CSTPP1: variants seen among roughly 807,000 people sequenced by gnomAD.
CSTPP1 encodes centriolar satellite-associated tubulin polyglutamylase complex regulator 1, also known as UPF0705 protein C11orf49.
At chr11:47,089,939 T>G in the CSTPP1 span, among the ~76,000 whole-genome samples, 2 of 152,230 alleles carry the variant, frequency 1.3e-5, no homozygotes, top group Non-Finnish European at 2.9e-5. Context: ...AGATAGGTAG[T>G]AATTTACTGT....
chr11:47,126,237 G>A, the CSTPP1 span, among the ~76,000 whole-genome samples: 1 of 152,108 alleles, frequency 6.6e-6, no homozygotes, highest in Non-Finnish European at 1.5e-5. Flanking sequence ...CAAGTTACAA[G>A]CCAGACAGAC....
chr11:47,052,657 T>C, the CSTPP1 span: 3 of 1,195,496 alleles, frequency 2.5e-6, no homozygotes, highest in African/African-American at 1.6e-5. Context: ...CCTATAAATA[T>C]TGTTTGAATG....
the CSTPP1 span, among the ~76,000 whole-genome samples, chr11:47,122,083 A>ATATAT: frequency 1.1e-5 from 1 of 88,860 alleles, no homozygotes; most frequent in African/African-American, 3.8e-5. Flanking sequence ...AAAAAAAAAA[A>ATATAT]AAAAAAAAAT....
At chr11:46,941,243 C>G in the CSTPP1 span, among the ~76,000 whole-genome samples, 1 of 152,228 alleles carries the variant, frequency 6.6e-6, no homozygotes, top group African/African-American at 2.4e-5. Context: ...CCGTATCACT[C>G]TGCTGAAATG....
the CSTPP1 span, chr11:46,948,151 C>T: frequency 4.4e-6 from 2 of 456,240 alleles, no homozygotes; most frequent in South Asian, 1.5e-5. Context: ...CCCCAAAGTC[C>T]TGCAAATTGA....
the CSTPP1 span, chr11:46,936,798 G>C: frequency 4.3e-6 from 7 of 1,610,576 alleles, no homozygotes; most frequent in Admixed American, 3.4e-5. Flanking sequence ...AGCCACCCCG[G>C]TCAAAGGATG....
At chr11:47,108,024 C>T in the CSTPP1 span, among the ~76,000 whole-genome samples, 4 of 152,274 alleles carry the variant, frequency 2.6e-5, no homozygotes, top group Admixed American at 1.3e-4. Context: ...CAAAACCATA[C>T]CCCTCCTGGG....
At chr11:47,004,134 TTTGTTG>T in the CSTPP1 span, among the ~76,000 whole-genome samples, 2,118 of 151,982 alleles carry the variant, frequency 0.014, 46 homozygotes, top group African/African-American at 0.049. Flanking sequence ...TCTTTTGTTT[TTTGTTG>T]TTGTTGTTGT....
At chr11:47,036,710 C>T in the CSTPP1 span, among the ~76,000 whole-genome samples, 5 of 127,432 alleles carry the variant, frequency 3.9e-5, 2 homozygotes, top group South Asian at 2.5e-4. Flanking sequence ...GCAGTCTCTT[C>T]TCTGTCACCC....
chr11:47,006,610 G>A, the CSTPP1 span, among the ~76,000 whole-genome samples: 13 of 150,458 alleles, frequency 8.6e-5, no homozygotes, highest in Admixed American at 8.6e-4. Flanking sequence ...TTTGAGGCAG[G>A]ATCTCTGTCT....
chr11:47,114,586 T>C, the CSTPP1 span, among the ~76,000 whole-genome samples: 3 of 152,190 alleles, frequency 2.0e-5, no homozygotes, highest in Admixed American at 2.0e-4. Context: ...TTATTCTCTT[T>C]GTAGCAATTG....
chr11:47,022,351 A>G, the CSTPP1 span, among the ~76,000 whole-genome samples: 1 of 116,400 alleles, frequency 8.6e-6, no homozygotes, highest in African/African-American at 3.3e-5. Context: ...CATATCTTTC[A>G]TATGTCCTTT....
At chr11:47,134,528 G>A in the CSTPP1 span, among the ~76,000 whole-genome samples, 10 of 152,100 alleles carry the variant, frequency 6.6e-5, no homozygotes, top group African/African-American at 2.2e-4. Flanking sequence ...AGATCTCCAT[G>A]GCTACTCACT....
chr11:46,997,581 G>A, the CSTPP1 span, among the ~76,000 whole-genome samples: 5 of 152,256 alleles, frequency 3.3e-5, no homozygotes, highest in South Asian at 4.1e-4. Flanking sequence ...GTCGTTCTCC[G>A]TCCAGCTTTC....
At chr11:47,164,163 CAGAGAAGAGAGAAGCAGGAGGCCCTGG>C in the CSTPP1 span, 1 of 1,613,996 alleles carries the variant, frequency 6.2e-7, no homozygotes, top group Non-Finnish European at 8.5e-7. Flanking sequence ...CTTTGGCTTT[CAGAGAAGAGAGAAGCAGGAGGCCCTGG>C]AGAGAGTGTC....
the CSTPP1 span, among the ~76,000 whole-genome samples, chr11:47,037,959 G>GCGGC: frequency 7.9e-6 from 1 of 126,854 alleles, no homozygotes; most frequent in Admixed American, 8.3e-5. Flanking sequence ...CCCAGTAGGG[G>GCGGC]CGGCCGGGCA....
chr11:47,117,800 C>T, the CSTPP1 span, among the ~76,000 whole-genome samples: 1 of 151,978 alleles, frequency 6.6e-6, no homozygotes, highest in Non-Finnish European at 1.5e-5. Flanking sequence ...TTCACATAGT[C>T]CCATATTTCT....
the CSTPP1 span, among the ~76,000 whole-genome samples, chr11:46,975,872 C>A: frequency 6.6e-6 from 1 of 152,130 alleles, no homozygotes; most frequent in Non-Finnish European, 1.5e-5. Context: ...AAGTTAAGTA[C>A]AATCCAGAGA....
At chr11:46,946,094 A>G in the CSTPP1 span, among the ~76,000 whole-genome samples, 107 of 152,336 alleles carry the variant, frequency 7.0e-4, no homozygotes, top group African/African-American at 2.4e-3. Flanking sequence ...GGGAAAAAAG[A>G]GCCAGTAAGT....
Sources: allele counts gnomAD v4.1 joint callset (sites outside exome capture counted in the v4.1 genomes callset), GRCh38; gene constraint gnomAD v4.1.1; transcripts MANE v1.5; gene names NCBI Gene and HGNC (gene_info 2026-07-23, HGNC 2026-07-21).